Variants in SLC9A9 observed in about 807,000 individuals in gnomAD.
SLC9A9 encodes sodium/hydrogen exchanger 9.
A neutral mutation model predicts 77.8 loss-of-function variants in SLC9A9; 62 were observed. The observed-to-expected ratio is 0.80, with a 90% CI of 0.65 to 0.98. SLC9A9 has a LOEUF of 0.98. SLC9A9 is among the 50% of genes least tolerant of loss of function. SLC9A9 has a pLI of 0.00. For missense variants in SLC9A9, 775 were observed against 774.9 expected, an observed-to-expected ratio of 1.00 and a Z score of 0.00; for synonymous variants, 320 against 283.5, an observed-to-expected ratio of 1.13 and a Z score of -1.29.
At chr3:143,741,728 G>A (rs1422271314) in intron 4 of SLC9A9, among the ~76,000 whole-genome samples, 1 of 152,098 alleles carries the variant, frequency 6.6e-6, no homozygotes, top group African/African-American at 2.4e-5. Context: ...GATATGATGT[G>A]ATGAAAATGG....
chr3:143,393,700 C>A (rs1446230540), intron 12 of SLC9A9, among the ~76,000 whole-genome samples: 1 of 151,892 alleles, frequency 6.6e-6, no homozygotes, highest in Non-Finnish European at 1.5e-5. Flanking sequence ...TGATAGACCG[C>A]TAGCAAGACT....
rs2034214162 is a variant in SLC9A9, at chr3:143,417,377, A to T, written c.1470-35263T>A. On this transcript the variant is annotated intron_variant, in intron 12 of 15. Transcript: ENST00000316549. ...GCCTGTATTTTGGGATAGAACTTTT[A>T]GGACACAGTTAAGGTTAAATTAGTT... 2.6e-5 allele frequency among the ~76,000 whole-genome samples: 4 copies of T among 151,866 alleles called. No homozygotes were observed. The South Asian group carries it at 8.3e-4, about 32-fold the overall frequency.
At chr3:143,381,331 T>TA (rs903533202) in intron 13 of SLC9A9, 1 of 152,504 alleles carries the variant, frequency 6.6e-6, no homozygotes, top group African/African-American at 2.4e-5. Flanking sequence ...CTGATGGTTT[T>TA]AAAAACAGTT....
intron 11 of SLC9A9, among the ~76,000 whole-genome samples, chr3:143,479,137 T>C (rs1308020294): frequency 6.6e-6 from 1 of 152,224 alleles, no homozygotes; most frequent in Non-Finnish European, 1.5e-5. Flanking sequence ...TGTTTCACAC[T>C]CAATAAATGT....
At chr3:143,414,367 G>A (rs1381108354) in intron 12 of SLC9A9, among the ~76,000 whole-genome samples, 1 of 152,180 alleles carries the variant, frequency 6.6e-6, no homozygotes, top group Non-Finnish European at 1.5e-5. Flanking sequence ...GCTTTATTAA[G>A]TTTTGTTTTC....
At chr3:143,301,339 C>T (rs1399013788) in intron 14 of SLC9A9, among the ~76,000 whole-genome samples, 1 of 152,228 alleles carries the variant, frequency 6.6e-6, no homozygotes, top group Non-Finnish European at 1.5e-5. Context: ...GCTTCCTCTT[C>T]TATTCACACA....
At chr3:143,361,963 G>A (rs562552261) in intron 14 of SLC9A9, among the ~76,000 whole-genome samples, 135 of 151,972 alleles carry the variant, frequency 8.9e-4, no homozygotes, top group African/African-American at 3.1e-3. Flanking sequence ...TGTTCTTTCT[G>A]TACATCTCAT....
intron 12 of SLC9A9, among the ~76,000 whole-genome samples, chr3:143,391,371 C>G (rs2033561298): frequency 6.6e-6 from 1 of 152,252 alleles, no homozygotes; most frequent in Admixed American, 6.5e-5. Context: ...CAAACTCCAA[C>G]AGACCTGCAG....
chr3:143,339,895 C>T (rs187098470), intron 14 of SLC9A9, among the ~76,000 whole-genome samples: 111 of 152,118 alleles, frequency 7.3e-4, no homozygotes, highest in Admixed American at 2.1e-3. Flanking sequence ...TGCTACTGCC[C>T]GAATGATGGG....
In SLC9A9 at chr3:143,846,731, GTTT is replaced by G. The variant is rs5853133; in HGVS notation, c.175+1414_175+1416del. Among the ~76,000 whole-genome samples the G allele has an allele frequency of 2.7e-3, 390 of 146,196 alleles. 1 individual carries two copies. Among genetic ancestry groups the G allele is most frequent in the African/African-American group, 3.9e-3 (154 of 39,716 alleles). On this transcript the variant is annotated intron_variant, in intron 1 of 15. Transcript: ENST00000316549. ...AAATAAAACAATACAGCAAAAAAAGGTTTTTTTTTTTTTTGCATTTGGGTTATG... is the reference window on the plus strand; with the variant it reads ...AAATAAAACAATACAGCAAAAAAAGGTTTTTTTTTTTGCATTTGGGTTATG...
chr3:143,274,636 C>T (rs1260081320), intron 14 of SLC9A9, among the ~76,000 whole-genome samples: 1 of 152,136 alleles, frequency 6.6e-6, no homozygotes, highest in Non-Finnish European at 1.5e-5. Context: ...TTCACCATGC[C>T]ACTGGTTATA....
chr3:143,324,375 T>C (rs1043406006), intron 14 of SLC9A9, among the ~76,000 whole-genome samples: 1 of 152,342 alleles, frequency 6.6e-6, no homozygotes, highest in Admixed American at 6.5e-5. Flanking sequence ...CAATCTGGTT[T>C]TCAGTTGCAG....
At chr3:143,793,319 T>G (rs1213223906) in intron 4 of SLC9A9, among the ~76,000 whole-genome samples, 1 of 152,140 alleles carries the variant, frequency 6.6e-6, no homozygotes, top group East Asian at 1.9e-4. Context: ...TAAGAAAGAA[T>G]TTAGATTTTT....
intron 11 of SLC9A9, among the ~76,000 whole-genome samples, chr3:143,471,106 C>T (rs552100380): frequency 3.3e-5 from 5 of 152,256 alleles, no homozygotes; most frequent in Non-Finnish European, 7.4e-5. Flanking sequence ...AACATAGATA[C>T]AGGGTGTTCT....
At position 143,265,846 on chromosome 3, in the gene SLC9A9, G is replaced by A. The variant is rs2108392442; in HGVS notation, c.*856C>T. The A allele has an allele frequency of 3.4e-6, 2 of 595,758 alleles. No homozygotes were observed. Among genetic ancestry groups the A allele is most frequent in the East Asian group, 2.8e-5 (1 of 35,950 alleles). 36.9% of individuals were successfully genotyped at this position (595,758 alleles called of 1,614,324 possible). A position where few individuals can be genotyped will look rare whatever the true frequency, so the allele number is the denominator to read the frequency against. On this transcript the variant is annotated 3_prime_UTR_variant, in exon 16 of 16. Coordinates refer to ENST00000316549, the MANE Select transcript of SLC9A9 (RefSeq NM_173653.4). ...CCTGCACAGTCTGCTGCCAGGTAGA[G>A]AGCAACACAGGCTGCAGAATCCTAC...
At chr3:143,632,434 T>C (rs1318074793) in intron 6 of SLC9A9, among the ~76,000 whole-genome samples, 1 of 152,110 alleles carries the variant, frequency 6.6e-6, no homozygotes, top group Non-Finnish European at 1.5e-5. Context: ...TGGTTTAAAA[T>C]AAAAATTGAA....
intron 14 of SLC9A9, chr3:143,343,470 A>C (rs1245286417): frequency 6.6e-6 from 1 of 152,196 alleles, no homozygotes; most frequent in Non-Finnish European, 1.5e-5. Flanking sequence ...CACAAGCAGT[A>C]GTCGAAAAAA....
chr3:143,271,308 G>T (rs975089557), intron 14 of SLC9A9, among the ~76,000 whole-genome samples: 1 of 152,158 alleles, frequency 6.6e-6, no homozygotes, highest in Non-Finnish European at 1.5e-5. Flanking sequence ...CTCCCTCTGT[G>T]CAGGCTCCAG....
At chr3:143,600,182 C>T (rs2037822131) in intron 6 of SLC9A9, among the ~76,000 whole-genome samples, 1 of 152,162 alleles carries the variant, frequency 6.6e-6, no homozygotes, top group Non-Finnish European at 1.5e-5. Context: ...CTCCCCTAGC[C>T]TCCAACCCCT....
Sources: allele counts gnomAD v4.1 joint callset (sites outside exome capture counted in the v4.1 genomes callset), GRCh38; gene constraint gnomAD v4.1.1; transcripts MANE v1.5; gene names NCBI Gene and HGNC (gene_info 2026-07-23, HGNC 2026-07-21).